The following NAA25 variants were observed in gnomAD, a reference collection of about 807,000 sequenced individuals.
NAA25 encodes the protein N-terminal acetyltransferase B complex subunit NAA25.
In NAA25, 30 loss-of-function variants were observed where a neutral mutation model predicts 132.5. The observed-to-expected ratio is 0.23, with a 90% CI of 0.17 to 0.31. The LOEUF is 0.31. Among genes scored for constraint, NAA25 ranks in the 10% least tolerant of loss-of-function variants. The pLI, the probability that NAA25 is intolerant of heterozygous loss-of-function variation, is 1.00. For missense variants in NAA25, 771 were observed against 1,150.4 expected, an observed-to-expected ratio of 0.67 and a Z score of 4.77; for synonymous variants, 359 against 401.9, an observed-to-expected ratio of 0.89 and a Z score of 1.28.
At position 112,060,292 on chromosome 12, in the gene NAA25, A is replaced by C. The variant is rs138072775; in HGVS notation, c.1425T>G (p.Leu475=). 3.2e-5 allele frequency: 51 copies of C among 1,612,374 alleles called. No homozygotes were observed. The African/African-American group carries it at 6.4e-4, about 20-fold the overall frequency. ...TACCTGTTTCCCTCCATACATCAAT[A>C]AGCGCATGGACAGCAAGGAGACAGT... ...DYYCLLAVHA[L]IDVWRETGDE... Residue 475 remains leucine (L), a synonymous_variant, in exon 13 of 24, where the codon CTT becomes CTG. Transcript: ENST00000261745.
intron 1 of NAA25, among the ~76,000 whole-genome samples, chr12:112,102,423 T>C (rs896327365): frequency 1.3e-5 from 2 of 151,990 alleles, no homozygotes; most frequent in East Asian, 3.9e-4. Flanking sequence ...TCTTGCCCTA[T>C]GTTTCAACAA....
intron 11 of NAA25, among the ~76,000 whole-genome samples, chr12:112,062,828 T>C (rs891997771): frequency 6.6e-6 from 1 of 152,050 alleles, no homozygotes; most frequent in African/African-American, 2.4e-5. Context: ...GAATCACTTG[T>C]GCTCAAGAGT....
chr12:112,101,523 G>A (rs535073718), intron 1 of NAA25, among the ~76,000 whole-genome samples: 5 of 152,252 alleles, frequency 3.3e-5, no homozygotes, highest in African/African-American at 9.6e-5. Context: ...TTGGGAGGCC[G>A]AGGAAGGTGG....
At chr12:112,069,892 C>G (rs1353615836) in intron 10 of NAA25, among the ~76,000 whole-genome samples, 2 of 151,570 alleles carry the variant, frequency 1.3e-5, no homozygotes, top group Non-Finnish European at 2.9e-5. Context: ...CTTCGGGAGG[C>G]CAAGGTAGGG....
In NAA25 at chr12:112,061,049, A is replaced by C. The variant is rs2078621621; in HGVS notation, c.1357+132T>G. 7.5e-6 allele frequency: 5 copies of C among 668,038 alleles called. No individual in the cohort carries two copies. In the Admixed American group the frequency reaches 1.0e-4, roughly 14 times the overall value. 41.4% of individuals were successfully genotyped at this position (668,038 alleles called of 1,614,324 possible). A position where few individuals can be genotyped will look rare whatever the true frequency, so the allele number is the denominator to read the frequency against. On this transcript the variant is annotated intron_variant, in intron 12 of 23. Coordinates refer to ENST00000261745, the MANE Select transcript of NAA25 (RefSeq NM_024953.4). ...AGAAAGGCTTTACATCATATTACTT[A>C]GATGGTCTTCCCAGACAAAATAGTC...
At chr12:112,101,209 C>G (rs913354200) in intron 1 of NAA25, among the ~76,000 whole-genome samples, 1 of 152,164 alleles carries the variant, frequency 6.6e-6, no homozygotes, top group African/African-American at 2.4e-5. Flanking sequence ...CTATTGTATG[C>G]TCTCATGGCA....
Position 112,033,271 on chromosome 12 carries a change from G to C in NAA25, c.2758C>G (p.Leu920Val). The C allele has an allele frequency of 3.7e-6, 6 of 1,608,786 alleles. No homozygotes were observed. The highest frequency in any genetic ancestry group is 5.1e-6 in the Non-Finnish European group (6 of 1,178,160). ...GLETHLIALKLEELILEDTSL... is the reference protein window; with the variant it reads ...GLETHLIALKVEELILEDTSL... ...GTGTCTTCTAAAATAAGTTCTTCAA[G>C]TTTAAGTGCAATTAGATGTGTTTCA... Residue 920 changes from leucine (L) to valine (V), a missense_variant, in exon 23 of 24, where the codon CTT becomes GTT. Leu to Val is a conservative substitution (Grantham distance 32, BLOSUM62 1). Coordinates refer to ENST00000261745, the MANE Select transcript of NAA25 (RefSeq NM_024953.4).
intron 1 of NAA25, among the ~76,000 whole-genome samples, chr12:112,104,870 T>C (rs2136950816): frequency 6.6e-6 from 1 of 150,504 alleles, no homozygotes; most frequent in East Asian, 2.0e-4. Context: ...AAAACAAAAA[T>C]TAGCCGGGCA....
In NAA25 at chr12:112,043,737, T is replaced by TC; in HGVS notation, c.2137dup (p.Glu713GlyfsTer13). 1 of 1,614,192 alleles carries TC rather than the reference T, an allele frequency of 6.2e-7. No individual in the cohort carries two copies. Among genetic ancestry groups the TC allele is most frequent in the African/African-American group, 1.3e-5 (1 of 75,032 alleles). On this transcript the variant is annotated frameshift_variant, in exon 18 of 24. Coordinates refer to ENST00000261745, the MANE Select transcript of NAA25 (RefSeq NM_024953.4). LOFTEE classifies it high-confidence loss of function. ...GGATACCCCATTCTCGGCAGTCTTC[T>TC]CCGAGTTCTTTGGCTCCACAGGGTG... is the stretch of plus-strand genomic sequence containing the variant.
chr12:112,043,432 C>T (rs1236844258), intron 18 of NAA25, among the ~76,000 whole-genome samples, 193 bp downstream of exon 18: 1 of 152,212 alleles, frequency 6.6e-6, no homozygotes, highest in East Asian at 1.9e-4. Flanking sequence ...ATTTTGCTTT[C>T]TCCCTCACTA....
At chr12:112,051,412 C>T (rs987979391) in intron 15 of NAA25, among the ~76,000 whole-genome samples, 56 of 151,944 alleles carry the variant, frequency 3.7e-4, no homozygotes, top group African/African-American at 1.3e-3. Flanking sequence ...GGTTTCACCA[C>T]GTTGGCCAGG....
chr12:112,076,349 T>C (rs185903543), intron 7 of NAA25, among the ~76,000 whole-genome samples: 17 of 152,314 alleles, frequency 1.1e-4, no homozygotes, highest in African/African-American at 3.6e-4. Context: ...CACAATGTAT[T>C]GGGTTGAACA....
rs1313350416 is a variant in NAA25 at position 112,093,155 on chromosome 12, T to C, written c.59-19A>G. ...AGATAATCTATGAAAAAACAAATTA[T>C]GTGACAGTTATTATATTCCTTCAAT... On this transcript the variant is annotated intron_variant, in intron 1 of 23. Coordinates refer to ENST00000261745, the MANE Select transcript of NAA25 (RefSeq NM_024953.4). The C allele has an allele frequency of 1.4e-6, 2 of 1,407,234 alleles. No individual in the cohort carries two copies. The highest frequency in any genetic ancestry group is 4.6e-5 in the East Asian group (2 of 43,904). The allele number at this position is 1,407,234 out of a possible 1,614,324, so 87.2% of individuals were successfully genotyped here. A position where few individuals can be genotyped will look rare whatever the true frequency, so the allele number is the denominator to read the frequency against.
chr12:112,043,855 C>T lies in NAA25; in HGVS notation c.2020G>A (p.Glu674Lys). ...WDPKDRDVSE[E>K]HKKLSLEEET... ...TCCTCTAAGGAAAGTTTCTTATGTT[C>T]TTCAGAAACGTCCCTTAAACAGAAA... The change falls in exon 18 of 24, where the codon GAA becomes AAA. Residue 674 changes from glutamate (E) to lysine (K), a missense_variant. This residue lies in a region of NAA25 where 324 missense variants were observed against 400.0 expected (regional missense o/e 0.81). Transcript: ENST00000261745. 5.0e-6 allele frequency: 8 copies of T among 1,612,598 alleles called. No homozygotes were observed. Among genetic ancestry groups the T allele is most frequent in the Non-Finnish European group, 5.9e-6 (7 of 1,178,794 alleles).
chr12:112,089,624 C>A (rs1043039860), intron 3 of NAA25, among the ~76,000 whole-genome samples: 1 of 151,924 alleles, frequency 6.6e-6, no homozygotes, highest in Non-Finnish European at 1.5e-5. Context: ...ATGTAATAAA[C>A]ATTTAAAGGG....
intron 21 of NAA25, 66 bp from the exon 22 acceptor site, chr12:112,039,405 G>A: frequency 1.1e-6 from 1 of 933,892 alleles, no homozygotes; most frequent in South Asian, 1.4e-5. Flanking sequence ...GGAAATTAGA[G>A]GCAATGGATT....
At chr12:112,080,627 A>G (rs1367081682) in intron 5 of NAA25, among the ~76,000 whole-genome samples, 1 of 151,954 alleles carries the variant, frequency 6.6e-6, no homozygotes, top group African/African-American at 2.4e-5. Flanking sequence ...CAGCCTCCAG[A>G]GTAGCTGGGA....
At chr12:112,082,549 G>T (rs1440885085) in intron 4 of NAA25, among the ~76,000 whole-genome samples, 4 of 151,456 alleles carry the variant, frequency 2.6e-5, no homozygotes, top group African/African-American at 7.3e-5. Flanking sequence ...CTCCAGCCTG[G>T]GCAACAAATT....
In NAA25 at chr12:112,108,745, G is replaced by A. The variant is rs1350777616; in HGVS notation, c.29C>T (p.Pro10Leu). Residue 10 changes from proline (P) to leucine (L), a missense_variant, in exon 1 of 24, where the codon CCT becomes CTT. Pro to Leu is a moderately conservative substitution (Grantham distance 98). Transcript: ENST00000261745. ...AATGGGCCGGAGGCGCCTGTCGTTA[G>A]GGTCCTGCACATGGCCCCGCGTCGC... MATRGHVQD[P>L]NDRRLRPIYD... 3 of 1,529,930 alleles carry A rather than the reference G, an allele frequency of 2.0e-6. No individual in the cohort carries two copies. The highest frequency in any genetic ancestry group is 1.8e-6 in the Non-Finnish European group (2 of 1,136,072). 94.8% of individuals were successfully genotyped at this position (1,529,930 alleles called of 1,614,324 possible).
Sources: allele counts gnomAD v4.1 joint callset (sites outside exome capture counted in the v4.1 genomes callset), GRCh38; gene constraint gnomAD v4.1.1; regional missense constraint gnomAD v4.1.1; transcripts MANE v1.5; gene names NCBI Gene and HGNC (gene_info 2026-07-23, HGNC 2026-07-21).